Variants in TRAK1 observed in about 807,000 individuals in gnomAD.
TRAK1 encodes the protein trafficking kinesin-binding protein 1.
Under a neutral mutation model 92.1 loss-of-function variants are expected in TRAK1, and 33 were observed. The ratio of observed to expected loss-of-function variants is 0.36; its 90% CI spans 0.27 to 0.48. The LOEUF (loss-of-function observed/expected upper bound fraction) is 0.48. TRAK1 is among the 20% of genes least tolerant of loss of function. The pLI is 0.99. For missense variants in TRAK1, 1,123 were observed against 1,257.9 expected (o/e 0.89, Z 1.62); for synonymous variants, 521 against 517.3 (o/e 1.01, Z -0.10).
At chr3:42,182,469 T>A (rs1300959713) in intron 3 of TRAK1, among the ~76,000 whole-genome samples, 1 of 152,116 alleles carries the variant, frequency 6.6e-6, no homozygotes, top group Non-Finnish European at 1.5e-5. Flanking sequence ...ATTTTTGTAT[T>A]TTTAGCAGAG....
intron 1 of TRAK1, among the ~76,000 whole-genome samples, chr3:42,112,403 G>A (rs1708557645): frequency 6.7e-6 from 1 of 149,776 alleles, no homozygotes; most frequent in African/African-American, 2.5e-5. Context: ...ACTCCAGCCT[G>A]GGCGACAGAG....
chr3:42,067,564 C>T (rs1451867968), intron 1 of TRAK1, among the ~76,000 whole-genome samples: 1 of 151,994 alleles, frequency 6.6e-6, no homozygotes, highest in Non-Finnish European at 1.5e-5. Flanking sequence ...AAAACAAAAA[C>T]TTCCAGTTCC....
chr3:42,175,352 C>G (rs553371824), intron 2 of TRAK1, among the ~76,000 whole-genome samples: 50 of 152,162 alleles, frequency 3.3e-4, no homozygotes, highest in Non-Finnish European at 6.5e-4. Flanking sequence ...TGTGTGACCT[C>G]GAGCTGATGG....
intron 1 of TRAK1, among the ~76,000 whole-genome samples, chr3:42,108,681 A>G (rs1707929737): frequency 6.6e-6 from 1 of 151,952 alleles, no homozygotes; most frequent in Non-Finnish European, 1.5e-5. Context: ...CTGCTTGTGG[A>G]AGCTCTGTTC....
At chr3:42,015,853 ATGG>A (rs1271898331) in intron 1 of TRAK1, among the ~76,000 whole-genome samples, 1 of 152,034 alleles carries the variant, frequency 6.6e-6, no homozygotes, top group East Asian at 1.9e-4. Context: ...CCTGGCCAAC[ATGG>A]TGAAACCCCG....
chr3:42,157,269 G>A (rs910841749), intron 2 of TRAK1, among the ~76,000 whole-genome samples: 16 of 151,464 alleles, frequency 1.1e-4, no homozygotes, highest in African/African-American at 3.6e-4. Context: ...GACCAGCCTG[G>A]ACAACATAGT....
chr3:42,125,736 G>A (rs1470278744), intron 2 of TRAK1, 122 bp downstream of exon 2: 2 of 1,145,804 alleles, frequency 1.7e-6, no homozygotes, highest in Non-Finnish European at 2.4e-6. Context: ...TGGAAAGGTA[G>A]TCAAAGAAAT....
rs1705298644 is a variant in TRAK1 at position 42,189,048 on chromosome 3, A to G, written c.614A>G (p.Gln205Arg). The change falls in exon 6 of 16, where the codon CAG becomes CGG. Residue 205 changes from glutamine (Q) to arginine (R), a missense_variant. By Grantham distance (43) the Gln-to-Arg change is conservative (BLOSUM62 1). Coordinates refer to ENST00000327628, the MANE Select transcript of TRAK1 (RefSeq NM_001042646.3). The part of the protein sequence containing the change: ...LKRNESSSSV[Q>R]NYFHLDSLQK... ...AGGAATGAGTCGTCCTCCTCAGTCC[A>G]GAATTACTTTCATTTGGATTCTCTT... is the stretch of plus-strand genomic sequence containing the variant. The G allele has an allele frequency of 1.2e-6, 2 of 1,614,058 alleles. No individual in the cohort carries two copies. Among genetic ancestry groups the G allele is most frequent in the East Asian group, 2.2e-5 (1 of 44,896 alleles).
chr3:42,101,278 C>A (rs1706717141), intron 1 of TRAK1, among the ~76,000 whole-genome samples: 1 of 152,148 alleles, frequency 6.6e-6, no homozygotes, highest in Non-Finnish European at 1.5e-5. Flanking sequence ...TGTGGCCCAG[C>A]CTGAAGTCAC....
At chr3:42,061,515 G>A (rs1054893712) in intron 1 of TRAK1, among the ~76,000 whole-genome samples, 3 of 151,948 alleles carry the variant, frequency 2.0e-5, no homozygotes, top group East Asian at 3.9e-4. Context: ...CAGGAGATAC[G>A]GGGAAAACAA....
chr3:42,153,411 A>G (rs1253529053), intron 2 of TRAK1, among the ~76,000 whole-genome samples: 1 of 152,120 alleles, frequency 6.6e-6, no homozygotes, highest in Non-Finnish European at 1.5e-5. Flanking sequence ...AAAATAAAAA[A>G]AAAAGGAATG....
At chr3:42,032,487 A>AAAAC (rs1379222403) in intron 1 of TRAK1, among the ~76,000 whole-genome samples, 2 of 150,364 alleles carry the variant, frequency 1.3e-5, no homozygotes, top group African/African-American at 5.0e-5. Context: ...CCTGAAAAAA[A>AAAAC]AAAAAAAAAC....
intron 1 of TRAK1, among the ~76,000 whole-genome samples, chr3:42,121,573 T>C (rs1337871590): frequency 2.6e-5 from 4 of 151,954 alleles, no homozygotes; most frequent in Non-Finnish European, 5.9e-5. Flanking sequence ...GGGGAATTCT[T>C]GAAGACTCTT....
intron 1 of TRAK1, among the ~76,000 whole-genome samples, chr3:42,121,032 T>C (rs558308466): frequency 1.1e-4 from 17 of 152,260 alleles, no homozygotes; most frequent in African/African-American, 3.6e-4. Context: ...GGGTAGCAGG[T>C]GTTGGAGGGG....
intron 2 of TRAK1, among the ~76,000 whole-genome samples, chr3:42,147,013 G>T (rs1249704088): frequency 6.6e-6 from 1 of 152,066 alleles, no homozygotes; most frequent in Non-Finnish European, 1.5e-5. Flanking sequence ...ATACCTTAAG[G>T]TATCTCAGAA....
chr3:42,040,300 AATTG>A (rs1470659712), intron 1 of TRAK1, among the ~76,000 whole-genome samples: 1 of 152,186 alleles, frequency 6.6e-6, no homozygotes, highest in Non-Finnish European at 1.5e-5. Flanking sequence ...TTTATTAATT[AATTG>A]ATTAATTATA....
chr3:42,187,132 G>A (rs940546358), intron 4 of TRAK1, among the ~76,000 whole-genome samples: 5 of 152,160 alleles, frequency 3.3e-5, no homozygotes, highest in African/African-American at 7.2e-5. Context: ...CTGATGGTTG[G>A]CTCTTTTCTT....
At chr3:42,092,711 G>GTTATGTTATGTTATGTTATGATA (rs1705247688) in intron 1 of TRAK1, among the ~76,000 whole-genome samples, 18 of 101,068 alleles carry the variant, frequency 1.8e-4, no homozygotes, top group African/African-American at 5.8e-4. Context: ...GTGTTGTGTT[G>GTTATGTTATGTTATGTTATGATA]TGTTATGTTA....
chr3:42,081,388 C>T (rs1704430642), intron 1 of TRAK1, among the ~76,000 whole-genome samples: 1 of 152,138 alleles, frequency 6.6e-6, no homozygotes, highest in Admixed American at 6.5e-5. Context: ...ATGATAGAAC[C>T]TGGGCTTTAA....
Sources: allele counts gnomAD v4.1 joint callset (sites outside exome capture counted in the v4.1 genomes callset), GRCh38; gene constraint gnomAD v4.1.1; transcripts MANE v1.5; gene names NCBI Gene and HGNC (gene_info 2026-07-23, HGNC 2026-07-21).